AFG2A: variants seen among roughly 807,000 people sequenced by gnomAD.
The protein encoded by AFG2A is AAA ATPase AFG2A, also known as ATPase family gene 2 protein homolog A.
the AFG2A span, among the ~76,000 whole-genome samples, chr4:123,196,239 G>T: frequency 2.2e-5 from 3 of 134,292 alleles, no homozygotes; most frequent in African/African-American, 8.3e-5. Context: ...TTGATATCCT[G>T]ACCTCGTGAT....
chr4:123,137,726 G>A, the AFG2A span, among the ~76,000 whole-genome samples: 1 of 151,852 alleles, frequency 6.6e-6, no homozygotes, highest in Non-Finnish European at 1.5e-5. Flanking sequence ...TGACTTTATT[G>A]TTTGCTGTTT....
At chr4:123,179,993 G>A in the AFG2A span, among the ~76,000 whole-genome samples, 1 of 152,216 alleles carries the variant, frequency 6.6e-6, no homozygotes, top group East Asian at 1.9e-4. Context: ...GCTGAGGCGG[G>A]AAGATCACTT....
the AFG2A span, among the ~76,000 whole-genome samples, chr4:122,970,810 C>T: frequency 5.3e-5 from 8 of 151,630 alleles, no homozygotes; most frequent in East Asian, 7.8e-4. Context: ...CATTAAGCAA[C>T]GCATGTCTGT....
At chr4:123,287,902 C>T in the AFG2A span, among the ~76,000 whole-genome samples, 1 of 151,996 alleles carries the variant, frequency 6.6e-6, no homozygotes, top group Non-Finnish European at 1.5e-5. Flanking sequence ...CTGCAATTAT[C>T]CAAAGGAAGC....
the AFG2A span, among the ~76,000 whole-genome samples, chr4:122,999,431 T>C: frequency 6.6e-6 from 1 of 152,128 alleles, no homozygotes; most frequent in Non-Finnish European, 1.5e-5. Context: ...CTAGGGTTTT[T>C]ATGGTTTTAG....
the AFG2A span, among the ~76,000 whole-genome samples, chr4:123,125,848 TC>T: frequency 6.6e-6 from 1 of 152,228 alleles, no homozygotes; most frequent in Non-Finnish European, 1.5e-5. Context: ...ATTTCTTTTT[TC>T]TGCTCTATTA....
At chr4:123,055,622 G>A in the AFG2A span, among the ~76,000 whole-genome samples, 6 of 152,156 alleles carry the variant, frequency 3.9e-5, no homozygotes, top group Non-Finnish European at 7.3e-5. Flanking sequence ...GGAATTGGCT[G>A]GACCCGTGAT....
the AFG2A span, among the ~76,000 whole-genome samples, chr4:122,943,316 C>T: frequency 2.0e-5 from 3 of 152,306 alleles, no homozygotes; most frequent in African/African-American, 4.8e-5. Context: ...AATCTGGGTG[C>T]TCCTGTTTTG....
At chr4:123,073,565 A>G in the AFG2A span, among the ~76,000 whole-genome samples, 198 of 152,178 alleles carry the variant, frequency 1.3e-3, no homozygotes, top group African/African-American at 4.2e-3. Flanking sequence ...TTTAGAAAGA[A>G]TCTCTTTTTA....
At chr4:123,175,887 G>T in the AFG2A span, among the ~76,000 whole-genome samples, 3 of 152,284 alleles carry the variant, frequency 2.0e-5, no homozygotes, top group East Asian at 5.8e-4. Context: ...GAACAAGTTG[G>T]GTTTATTCCT....
At chr4:123,038,968 C>T in the AFG2A span, among the ~76,000 whole-genome samples, 1 of 151,936 alleles carries the variant, frequency 6.6e-6, no homozygotes, top group Non-Finnish European at 1.5e-5. Flanking sequence ...AGAATGTTTA[C>T]CTGTATGTTG....
At chr4:123,023,318 A>T in the AFG2A span, among the ~76,000 whole-genome samples, 1 of 152,164 alleles carries the variant, frequency 6.6e-6, no homozygotes, top group African/African-American at 2.4e-5. Context: ...GCGTCACACA[A>T]TATACTTGTG....
the AFG2A span, among the ~76,000 whole-genome samples, chr4:123,252,328 T>C: frequency 6.6e-5 from 10 of 152,138 alleles, no homozygotes; most frequent in African/African-American, 2.2e-4. Flanking sequence ...TGAAGTACAT[T>C]AAAACAAAAC....
chr4:122,930,215 C>T, the AFG2A span, among the ~76,000 whole-genome samples: 1 of 152,130 alleles, frequency 6.6e-6, no homozygotes, highest in African/African-American at 2.4e-5. Flanking sequence ...TTTGAATCTA[C>T]CTATCAAGGT....
the AFG2A span, chr4:122,927,668 C>T: frequency 6.2e-7 from 1 of 1,611,722 alleles, no homozygotes; most frequent in African/African-American, 1.3e-5. Flanking sequence ...TCCAGAATTC[C>T]CTTATTCATC....
chr4:123,232,194 G>C, the AFG2A span, among the ~76,000 whole-genome samples: 9 of 151,950 alleles, frequency 5.9e-5, no homozygotes, highest in Admixed American at 5.9e-4. Context: ...AATGAGGTGT[G>C]CTTGTATTTA....
chr4:123,224,673 G>A, the AFG2A span, among the ~76,000 whole-genome samples: 31 of 152,148 alleles, frequency 2.0e-4, no homozygotes, highest in Non-Finnish European at 3.4e-4. Flanking sequence ...ATAAACATAC[G>A]TGTGCATGTG....
chr4:123,039,506 G>A, the AFG2A span, among the ~76,000 whole-genome samples: 5 of 152,012 alleles, frequency 3.3e-5, no homozygotes, highest in African/African-American at 1.2e-4. Context: ...CCTGATCCTT[G>A]TTTTAGTGTT....
the AFG2A span, among the ~76,000 whole-genome samples, chr4:123,117,699 G>T: frequency 6.6e-6 from 1 of 151,528 alleles, no homozygotes; most frequent in Middle Eastern, 3.2e-3. Context: ...TCTACTTTCT[G>T]TAAAGGAGGA....
Sources: gnomAD v4.1 joint callset for allele counts (sites outside exome capture counted in the v4.1 genomes callset) on GRCh38, gnomAD v4.1.1 for gene constraint, MANE v1.5 for transcripts, NCBI Gene and HGNC (gene_info 2026-07-23, HGNC 2026-07-21) for gene names.